Variants in RASAL2 observed in about 807,000 individuals in gnomAD.
RASAL2 encodes ras GTPase-activating protein nGAP.
In RASAL2, 58 loss-of-function variants were observed where a neutral mutation model predicts 128.9. That is an observed-to-expected ratio of 0.45 (90% CI 0.36 to 0.56). The LOEUF is 0.56. Among genes scored for constraint, RASAL2 ranks in the 20% least tolerant of loss-of-function variants. The pLI, the probability that RASAL2 is intolerant of heterozygous loss-of-function variation, is 0.00. For synonymous variants in RASAL2, 561 were observed against 580.8 expected (o/e 0.97, Z 0.49); for missense variants, 1,360 against 1,601.6 (o/e 0.85, Z 2.57).
chr1:178,226,302 C>G (rs1232919199), intron 1 of RASAL2, among the ~76,000 whole-genome samples: 1 of 152,046 alleles, frequency 6.6e-6, no homozygotes, highest in Non-Finnish European at 1.5e-5. Context: ...TTTCTTTGTG[C>G]CCACATCATG....
chr1:178,264,094 A>T (rs1665827571), intron 1 of RASAL2, among the ~76,000 whole-genome samples: 1 of 152,244 alleles, frequency 6.6e-6, no homozygotes, highest in African/African-American at 2.4e-5. Context: ...GATATTTATA[A>T]GGGAAAGATT....
intron 1 of RASAL2, among the ~76,000 whole-genome samples, chr1:178,252,416 G>A (rs978118229): frequency 6.6e-6 from 1 of 152,072 alleles, no homozygotes; most frequent in African/African-American, 2.4e-5. Flanking sequence ...TAATATTTAT[G>A]TAAAATGTTA....
At chr1:178,158,527 T>C (rs759518532) in intron 1 of RASAL2, among the ~76,000 whole-genome samples, 5 of 152,196 alleles carry the variant, frequency 3.3e-5, no homozygotes, top group Non-Finnish European at 7.4e-5. Flanking sequence ...GACTAAGTCT[T>C]ATTTACCTAA....
chr1:178,303,473 A>G (rs1667857558), intron 3 of RASAL2, among the ~76,000 whole-genome samples: 2 of 151,602 alleles, frequency 1.3e-5, no homozygotes, highest in South Asian at 4.2e-4. Context: ...AAAAAAAAAA[A>G]GGTTCATGCA....
chr1:178,183,120 T>A (rs991796221), intron 1 of RASAL2, among the ~76,000 whole-genome samples: 4 of 152,210 alleles, frequency 2.6e-5, no homozygotes, highest in African/African-American at 7.2e-5. Context: ...TGGTACCAGT[T>A]AGGGACCCCT....
At position 178,332,061 on chromosome 1, in the gene RASAL2, T is replaced by TA. The variant is rs546909904; in HGVS notation, c.457+31947dup. ...TTTACATGTATAGATATGTAAAATTTAAAACGTGTCATAAAAATTTTAGTA... is the reference window on the plus strand; with the variant it reads ...TTTACATGTATAGATATGTAAAATTTAAAAACGTGTCATAAAAATTTTAGTA... On this transcript the variant is annotated intron_variant, in intron 3 of 17. Coordinates refer to ENST00000367649, the MANE Select transcript of RASAL2 (RefSeq NM_170692.4). Among the ~76,000 whole-genome samples, 7 of 152,362 alleles carry TA rather than the reference T, an allele frequency of 4.6e-5. No homozygotes were observed. In the South Asian group the frequency reaches 1.4e-3, roughly 32 times the overall value.
At chr1:178,115,496 G>T (rs1659493107) in intron 1 of RASAL2, among the ~76,000 whole-genome samples, 1 of 152,176 alleles carries the variant, frequency 6.6e-6, no homozygotes, top group African/African-American at 2.4e-5. Context: ...ACTAGGTAGT[G>T]GGAGTTAGTA....
chr1:178,311,261 C>CACACACACACACACACACACACAG (rs1668235493), intron 3 of RASAL2, among the ~76,000 whole-genome samples: 1 of 151,014 alleles, frequency 6.6e-6, no homozygotes, highest in Non-Finnish European at 1.5e-5. Context: ...CAAACACACA[C>CACACACACACACACACACACACAG]ACACACACAC....
intron 9 of RASAL2, 126 bp downstream of exon 9, chr1:178,445,788 G>A: frequency 4.0e-6 from 4 of 995,314 alleles, no homozygotes; most frequent in Non-Finnish European, 5.7e-6. Flanking sequence ...AGGTGTTAAG[G>A]TTTGAATCAT....
At chr1:178,096,368 A>G (rs769090425) in intron 1 of RASAL2, among the ~76,000 whole-genome samples, 18 of 152,080 alleles carry the variant, frequency 1.2e-4, no homozygotes, top group Non-Finnish European at 2.2e-4. Flanking sequence ...AGTGTTAACT[A>G]TCGTTCTTCA....
rs370531086 is a variant in RASAL2 at position 178,443,063 on chromosome 1, A to T, written c.1316A>T (p.Gln439Leu). ...GPSIRIKSRFQTITILPMEQY... is the reference protein window; with the variant it reads ...GPSIRIKSRFLTITILPMEQY... ...TCTATTCGGATTAAATCACGTTTCC[A>T]AACTATCACCATTCTGCCTATGGAG... Residue 439 changes from glutamine to leucine, a missense_variant, in exon 8 of 18, where the codon CAA becomes CTA. Gln to Leu is a moderately radical substitution (Grantham distance 113). This residue lies in a region of RASAL2 where 617 missense variants were observed against 714.2 expected (regional missense o/e 0.86). Transcript: ENST00000367649. 13 of 1,614,078 alleles carry T rather than the reference A, an allele frequency of 8.1e-6. 1 individual carries two copies. In the South Asian group the frequency reaches 1.4e-4, roughly 18 times the overall value.
chr1:178,269,722 T>C (rs1666156233), intron 1 of RASAL2, among the ~76,000 whole-genome samples: 1 of 152,216 alleles, frequency 6.6e-6, no homozygotes, highest in Non-Finnish European at 1.5e-5. Flanking sequence ...ATCTACCCCT[T>C]GTTTAGCATA....
chr1:178,200,359 C>T (rs556262262), intron 1 of RASAL2, among the ~76,000 whole-genome samples: 3 of 152,264 alleles, frequency 2.0e-5, no homozygotes, highest in Non-Finnish European at 2.9e-5. Context: ...AAAATAAATG[C>T]GTTTGACATT....
intron 1 of RASAL2, among the ~76,000 whole-genome samples, chr1:178,117,681 A>G (rs2102264759): frequency 6.6e-6 from 1 of 152,292 alleles, no homozygotes; most frequent in East Asian, 1.9e-4. Context: ...CTTTTCTGCC[A>G]TGTGAGAATG....
At chr1:178,115,039 G>C (rs1659474770) in intron 1 of RASAL2, among the ~76,000 whole-genome samples, 1 of 152,040 alleles carries the variant, frequency 6.6e-6, no homozygotes, top group South Asian at 2.1e-4. Flanking sequence ...TCCACTTTCT[G>C]GAAGAGTTTG....
At chr1:178,143,236 ATATT>A (rs765836606) in intron 1 of RASAL2, among the ~76,000 whole-genome samples, 4 of 151,752 alleles carry the variant, frequency 2.6e-5, no homozygotes, top group Non-Finnish European at 4.4e-5. Context: ...GATGTAATAT[ATATT>A]TATCTATAAT....
At chr1:178,445,171 A>G (rs1037105726) in intron 8 of RASAL2, among the ~76,000 whole-genome samples, 3 of 151,940 alleles carry the variant, frequency 2.0e-5, no homozygotes, top group African/African-American at 4.8e-5. Flanking sequence ...TTTGTGGTGA[A>G]TAGAGAACAT....
intron 3 of RASAL2, among the ~76,000 whole-genome samples, chr1:178,358,143 C>A (rs1352038886): frequency 7.2e-6 from 1 of 138,076 alleles, no homozygotes; most frequent in Non-Finnish European, 1.5e-5. Context: ...GACCAAGGCA[C>A]AAGAATTGCT....
intron 1 of RASAL2, among the ~76,000 whole-genome samples, chr1:178,203,702 C>A (rs1662947889): frequency 6.6e-6 from 1 of 152,194 alleles, no homozygotes; most frequent in South Asian, 2.1e-4. Flanking sequence ...GCTCCTCCTA[C>A]CTTTAAGTTA....
Sources: allele counts gnomAD v4.1 joint callset (sites outside exome capture counted in the v4.1 genomes callset), GRCh38; gene constraint gnomAD v4.1.1; regional missense constraint gnomAD v4.1.1; transcripts MANE v1.5; gene names NCBI Gene and HGNC (gene_info 2026-07-23, HGNC 2026-07-21).